The following GP6 variants were observed in gnomAD, a reference collection of about 807,000 sequenced individuals.
GP6 encodes glycoprotein VI platelet.
GP6 carries 45 observed loss-of-function variants against 37.3 expected under a neutral mutation model. The ratio of observed to expected loss-of-function variants is 1.21; its 90% CI spans 0.95 to 1.55. The LOEUF (loss-of-function observed/expected upper bound fraction) is 1.55. GP6 is among the 40% of genes most tolerant of loss of function. The probability of loss-of-function intolerance (pLI) is 0.00; values close to 1 mark genes in which losing one functional copy is unlikely to be tolerated. For synonymous variants in GP6, 340 were observed against 316.4 expected (o/e 1.07, Z -0.79); for missense variants, 813 against 760.2 (o/e 1.07, Z -0.82).
At chr19:55,029,053 T>C (rs931711525) in intron 3 of GP6, among the ~76,000 whole-genome samples, 3 of 146,748 alleles carry the variant, frequency 2.0e-5, no homozygotes, top group African/African-American at 5.2e-5. Context: ...AAATATAAGC[T>C]GCCTAATAAT....
chr19:55,015,292 G>T, intron 7 of GP6, 127 bp from the exon 8 acceptor site: 1 of 1,456,702 alleles, frequency 6.9e-7, no homozygotes, highest in Non-Finnish European at 9.4e-7. Context: ...TCACTTTCCT[G>T]GAGGGTCCCT....
chr19:55,025,985 A>C (rs1023545441), intron 4 of GP6, among the ~76,000 whole-genome samples: 48 of 113,632 alleles, frequency 4.2e-4, no homozygotes, highest in Admixed American at 3.5e-4. Flanking sequence ...CTGGGTGACA[A>C]AGTGAGACTC....
At chr19:55,033,442 C>G (rs867098598) in intron 1 of GP6, among the ~76,000 whole-genome samples, 1 of 115,560 alleles carries the variant, frequency 8.7e-6, no homozygotes, top group Non-Finnish European at 1.7e-5. Flanking sequence ...TGGGCTCGTT[C>G]GTGTTAGACG....
At chr19:55,035,642 G>T (rs1432348476) in intron 1 of GP6, among the ~76,000 whole-genome samples, 1 of 151,872 alleles carries the variant, frequency 6.6e-6, no homozygotes, top group Non-Finnish European at 1.5e-5. Flanking sequence ...GCTTGAACCT[G>T]GGAGGTGGAG....
intron 5 of GP6, among the ~76,000 whole-genome samples, chr19:55,021,435 G>C (rs1363289648): frequency 1.3e-5 from 2 of 150,762 alleles, no homozygotes; most frequent in Non-Finnish European, 2.9e-5. Flanking sequence ...CTTCCACAAT[G>C]AACTAATTTA....
At chr19:55,034,936 C>A (rs2074772535) in intron 1 of GP6, among the ~76,000 whole-genome samples, 1 of 152,164 alleles carries the variant, frequency 6.6e-6, no homozygotes, top group Admixed American at 6.6e-5. Context: ...TCCCTCTGCA[C>A]CCCAACGCAA....
intron 3 of GP6, among the ~76,000 whole-genome samples, chr19:55,030,239 A>C (rs914424470): frequency 2.0e-5 from 3 of 152,228 alleles, no homozygotes; most frequent in African/African-American, 7.2e-5. Context: ...AGTCCCAGCT[A>C]CTAGGGAGGA....
intron 1 of GP6, among the ~76,000 whole-genome samples, chr19:55,034,244 C>T (rs2074736460): frequency 6.6e-6 from 1 of 151,632 alleles, no homozygotes; most frequent in Non-Finnish European, 1.5e-5. Context: ...CCCAGGAGGT[C>T]AAGTCTGCTG....
rs761491834 is a variant in GP6 at position 55,014,057 on chromosome 19, AGTACAT to A, written c.*19_*24del. ...TTTATGGGGTGGACAGCAATATTGCAGTACATGTATACAACGTGCTATGATCAAATC... is the reference window on the plus strand; with the variant it reads ...TTTATGGGGTGGACAGCAATATTGCAGTATACAACGTGCTATGATCAAATC... On this transcript the variant is annotated 3_prime_UTR_variant, in exon 8 of 8. Transcript: ENST00000310373. The A allele has an allele frequency of 1.7e-6, 1 of 605,348 alleles. No individual in the cohort carries two copies. Among genetic ancestry groups the A allele is most frequent in the South Asian group, 1.5e-5 (1 of 65,862 alleles). 37.5% of individuals were successfully genotyped at this position (605,348 alleles called of 1,614,324 possible).
intron 3 of GP6, among the ~76,000 whole-genome samples, chr19:55,031,288 G>A (rs562646988): frequency 4.5e-4 from 69 of 152,206 alleles, no homozygotes; most frequent in African/African-American, 1.1e-3. Flanking sequence ...AAAGAATCCC[G>A]AGCCAAGCAC....
At chr19:55,017,786 A>T (rs2073930739) in intron 6 of GP6, among the ~76,000 whole-genome samples, 1 of 152,036 alleles carries the variant, frequency 6.6e-6, no homozygotes, top group Admixed American at 6.6e-5. Flanking sequence ...ACTCCCTGGG[A>T]TATGCCGGGC....
chr19:55,024,873 GGTTT>G (rs1479713717), intron 5 of GP6, among the ~76,000 whole-genome samples: 7 of 103,958 alleles, frequency 6.7e-5, no homozygotes, highest in East Asian at 3.1e-4. Context: ...GGACTCTACA[GGTTT>G]GTTGGTTGGT....
chr19:55,030,633 G>A lies in GP6; in HGVS notation c.325+1506C>T, dbSNP rs541579536. Among the ~76,000 whole-genome samples, 290 of 151,472 alleles carry A rather than the reference G, an allele frequency of 1.9e-3. 1 individual carries two copies. Among genetic ancestry groups the A allele is most frequent in the African/African-American group, 6.7e-3 (279 of 41,352 alleles). On this transcript the variant is annotated intron_variant, in intron 3 of 7. Coordinates refer to ENST00000310373, the MANE Select transcript of GP6 (RefSeq NM_001083899.2). ...ACTGGGATTACAGGCGTGAGCCGCC[G>A]CGCCCGGCCCAACCTCTTCTCTTAA...
chr19:55,015,610 G>T, intron 7 of GP6, 73 bp downstream of exon 7: 1 of 903,052 alleles, frequency 1.1e-6, no homozygotes, highest in Non-Finnish European at 1.9e-6. Context: ...CAGCCCCTGC[G>T]TAGACAAAGG....
At chr19:55,020,955 G>A (rs1254136342) in intron 5 of GP6, among the ~76,000 whole-genome samples, 1 of 151,240 alleles carries the variant, frequency 6.6e-6, no homozygotes, top group Non-Finnish European at 1.5e-5. Flanking sequence ...GGGAGGCTGA[G>A]GCAGGAGAAT....
At chr19:55,034,862 A>C (rs2074769013) in intron 1 of GP6, among the ~76,000 whole-genome samples, 1 of 152,078 alleles carries the variant, frequency 6.6e-6, no homozygotes. Flanking sequence ...CTTGACTCTG[A>C]GCTCAGAGAG....
intron 5 of GP6, among the ~76,000 whole-genome samples, chr19:55,024,831 C>A (rs933189142): frequency 2.6e-5 from 4 of 152,086 alleles, no homozygotes; most frequent in Non-Finnish European, 4.4e-5. Flanking sequence ...AACCGCTGAT[C>A]AATGCATTCA....
intron 4 of GP6, among the ~76,000 whole-genome samples, chr19:55,026,714 C>T (rs550745070): frequency 6.6e-6 from 1 of 151,982 alleles, no homozygotes; most frequent in Non-Finnish European, 1.5e-5. Flanking sequence ...AGTGAAACCC[C>T]GTCTCTACTA....
chr19:55,014,613 T>A lies in GP6; in HGVS notation c.1332A>T (p.Ser444=). ...CGTCTGGAGCCCATATTAGAGAGGT[T>A]GAAGAAAGAGGCCAGTATGTGGTCC... Residue 444 remains serine (S), a synonymous_variant, in exon 8 of 8, where the codon TCA becomes TCT. Transcript: ENST00000310373. The A allele has an allele frequency of 6.2e-7, 1 of 1,613,990 alleles. No individual in the cohort carries two copies. The highest frequency in any genetic ancestry group is 8.5e-7 in the Non-Finnish European group (1 of 1,179,986).
Sources: gnomAD v4.1 joint callset for allele counts (sites outside exome capture counted in the v4.1 genomes callset) on GRCh38, gnomAD v4.1.1 for gene constraint, MANE v1.5 for transcripts, NCBI Gene and HGNC (gene_info 2026-07-23, HGNC 2026-07-21) for gene names.